The following CHRNA4 variants were observed in gnomAD, a reference collection of about 807,000 sequenced individuals.
CHRNA4 encodes neuronal acetylcholine receptor subunit alpha-4.
CHRNA4 carries 28 observed loss-of-function variants against 48.9 expected under a neutral mutation model. The observed-to-expected ratio is 0.57, with a 90% CI of 0.42 to 0.79. The LOEUF is 0.79. Ranked by LOEUF, CHRNA4 falls within the 30% of genes least tolerant of loss-of-function variation. The pLI, the probability that CHRNA4 is intolerant of heterozygous loss-of-function variation, is 0.00. For synonymous variants in CHRNA4, 425 were observed against 402.3 expected (o/e 1.06, Z -0.68); for missense variants, 859 against 898.4 (o/e 0.96, Z 0.56).
chr20:63,356,445 T>C, intron 2 of CHRNA4, 30 bp from the exon 3 acceptor site: 1 of 1,581,200 alleles, frequency 6.3e-7, no homozygotes, highest in Non-Finnish European at 8.6e-7. Flanking sequence ...AGGGGGCCAG[T>C]GACCCCTTGG....
At chr20:63,356,515 G>A (rs942329354) in intron 2 of CHRNA4, 100 bp from the exon 3 acceptor site, 2 of 1,277,282 alleles carry the variant, frequency 1.6e-6, no homozygotes, top group African/African-American at 1.5e-5. Context: ...ACACGGCCAG[G>A]GCAAGATATG....
chr20:63,351,259 T>TCCACGTTCACGC (rs1555838352), intron 4 of CHRNA4: 2 of 483,308 alleles, frequency 4.1e-6, no homozygotes, highest in Non-Finnish European at 7.6e-6. Flanking sequence ...CACGTCCACG[T>TCCACGTTCACGC]CCACACACAG....
At chr20:63,356,589 G>A (rs1353846883) in intron 2 of CHRNA4, 174 bp from the exon 3 acceptor site, 2 of 670,358 alleles carry the variant, frequency 3.0e-6, no homozygotes, top group East Asian at 5.4e-5. Context: ...GCCCAGGATG[G>A]GGACTCTGAG....
intron 4 of CHRNA4, among the ~76,000 whole-genome samples, chr20:63,352,037 TG>T (rs2068623513): frequency 2.6e-5 from 4 of 152,074 alleles, no homozygotes; most frequent in Admixed American, 2.6e-4. Context: ...TTGGCAGGCA[TG>T]GGGCCAGGCT....
At position 63,345,456 on chromosome 20, in the gene CHRNA4, G is replaced by C. The variant is rs774744673; in HGVS notation, c.*1282C>G. ...GGGGAAGTGTGCCCCTGGGGACACT[G>C]GGGGGCTGCCGGGTGCGCCATCTTT... On this transcript the variant is annotated 3_prime_UTR_variant, in exon 6 of 6. Coordinates refer to ENST00000370263, the MANE Select transcript of CHRNA4 (RefSeq NM_000744.7). This position sits in a 1 kb window ranked among gnomAD's most constrained non-coding sequence, Gnocchi z 5.4. 2 of 384,584 alleles carry C rather than the reference G, an allele frequency of 5.2e-6. No individual in the cohort carries two copies. Among genetic ancestry groups the C allele is most frequent in the South Asian group, 3.7e-5 (2 of 53,586 alleles). 23.8% of individuals were successfully genotyped at this position (384,584 alleles called of 1,614,324 possible). A position where few individuals can be genotyped will look rare whatever the true frequency, so the allele number is the denominator to read the frequency against.
Position 63,349,985 on chromosome 20 carries a change from C to T in CHRNA4, c.1426G>A (p.Glu476Lys), listed in dbSNP as rs201420419. The change falls in exon 5 of 6, where the codon GAA becomes AAA. Residue 476 changes from glutamate (E) to lysine (K), a missense_variant. Glu to Lys is a moderately conservative substitution (Grantham distance 56). Coordinates refer to ENST00000370263, the MANE Select transcript of CHRNA4 (RefSeq NM_000744.7). ...CACCGGACGCCGCCTTCCACCGCTT[C>T]GCCAGGGCTGGACATGTGCTGGACG... ...LSVQHMSSPG[E>K]AVEGGVRCRS... The T allele has an allele frequency of 7.1e-6, 11 of 1,552,012 alleles. No individual in the cohort carries two copies. The highest frequency in any genetic ancestry group is 1.2e-5 in the South Asian group (1 of 83,522).
intron 1 of CHRNA4, 169 bp from the exon 2 acceptor site, chr20:63,359,868 T>TGTGTGTGCGCGCCGGGCGTGCG (rs1568819956): frequency 2.8e-5 from 2 of 70,998 alleles, no homozygotes; most frequent in Non-Finnish European, 4.9e-5. Context: ...GGGCGTGCGC[T>TGTGTGTGCGCGCCGGGCGTGCG]CTGTGTGTGT....
intron 4 of CHRNA4, among the ~76,000 whole-genome samples, chr20:63,355,147 C>G (rs1002146945): frequency 2.6e-5 from 4 of 152,196 alleles, no homozygotes; most frequent in African/African-American, 9.7e-5. Flanking sequence ...GACCCTGAGC[C>G]TGTGGCCAGA....
intron 4 of CHRNA4, among the ~76,000 whole-genome samples, chr20:63,352,097 C>G (rs1463853740): frequency 6.6e-6 from 1 of 152,212 alleles, no homozygotes; most frequent in Non-Finnish European, 1.5e-5. Context: ...GGAGCGGCTG[C>G]CCAGCCACAC....
At chr20:63,359,486 AC>A in intron 2 of CHRNA4, 61 bp downstream of exon 2, 1 of 1,604,334 alleles carries the variant, frequency 6.2e-7, no homozygotes. Context: ...GCCCACCCAG[AC>A]CCCTGTGCTC....
rs1427256300 is a variant in CHRNA4, at chr20:63,346,050, T to C, written c.*688A>G. On this transcript the variant is annotated 3_prime_UTR_variant, in exon 6 of 6. Transcript: ENST00000370263. The stretch of plus-strand genomic sequence containing the variant: ...TGCGCAGGGGAGAGCTGGTCCCGCG[T>C]GGGCCTCCCGATTCTCCCCACGCGG... 1 of 453,966 alleles carries C rather than the reference T, an allele frequency of 2.2e-6. No homozygotes were observed. The highest frequency in any genetic ancestry group is 2.3e-5 in the Admixed American group (1 of 42,568). The allele number at this position is 453,966 out of a possible 1,614,324, so 28.1% of individuals were successfully genotyped here.
rs1363585173 is a variant in CHRNA4, at chr20:63,344,172, GA to G, written c.*2565del. The G allele has an allele frequency of 2.2e-6, 1 of 454,112 alleles. No individual in the cohort carries two copies. Among genetic ancestry groups the G allele is most frequent in the Admixed American group, 2.3e-5 (1 of 42,580 alleles). The allele number at this position is 454,112 out of a possible 1,614,324, so 28.1% of individuals were successfully genotyped here. A position where few individuals can be genotyped will look rare whatever the true frequency, so the allele number is the denominator to read the frequency against. On this transcript the variant is annotated 3_prime_UTR_variant, in exon 6 of 6. Transcript: ENST00000370263. This position sits in a 1 kb window ranked among gnomAD's most constrained non-coding sequence, Gnocchi z 4.5. Reference sequence around the variant, plus strand: ...AGCTACGGACACACACAACAGCACGGATGAAGCTCTAAGTCATAGGATGAAG... The same window carrying G: ...AGCTACGGACACACACAACAGCACGGTGAAGCTCTAAGTCATAGGATGAAG...
intron 4 of CHRNA4, among the ~76,000 whole-genome samples, chr20:63,351,627 A>G (rs978510193): frequency 2.6e-5 from 4 of 152,214 alleles, no homozygotes; most frequent in Non-Finnish European, 5.9e-5. Flanking sequence ...GTGTGTGAGC[A>G]TGAGGACACC....
chr20:63,346,486 G>A lies in CHRNA4; in HGVS notation c.*252C>T, dbSNP rs113458361. The A allele has an allele frequency of 1.9e-3, 1,287 of 664,088 alleles. 6 individuals carry two copies. Among genetic ancestry groups the A allele is most frequent in the Middle Eastern group, 5.1e-3 (13 of 2,566 alleles). 41.1% of individuals were successfully genotyped at this position (664,088 alleles called of 1,614,324 possible). ...CCGAGTCCTGCAGGTAGAAGGCGCCGACCCCCACCTCTGCTCCAAGCCACT... is the reference window on the plus strand; with the variant it reads ...CCGAGTCCTGCAGGTAGAAGGCGCCAACCCCCACCTCTGCTCCAAGCCACT... On this transcript the variant is annotated 3_prime_UTR_variant, in exon 6 of 6. Transcript: ENST00000370263.
At chr20:63,353,701 TGGGGGGGCTGCGGTCCTG>T (rs1568814674) in intron 4 of CHRNA4, among the ~76,000 whole-genome samples, 1 of 28,860 alleles carries the variant, frequency 3.5e-5, no homozygotes, top group Non-Finnish European at 6.0e-5. Context: ...GCTGTGGTCC[TGGGGGGGCTGCGGTCCTG>T]GGGGGGCTGT....
intron 4 of CHRNA4, among the ~76,000 whole-genome samples, chr20:63,352,380 C>CA (rs1407268910): frequency 1.3e-5 from 2 of 152,228 alleles, no homozygotes; most frequent in African/African-American, 4.8e-5. Flanking sequence ...CCCACGGTCT[C>CA]AGTCGGTGCT....
Position 63,347,312 on chromosome 20 carries a change from G to T in CHRNA4, c.1759-449C>A, listed in dbSNP as rs11908087. On this transcript the variant is annotated intron_variant, in intron 5 of 5. Transcript: ENST00000370263. ...TTTTGCAGATGGGCAAATGTGGCCC[G>T]GTGGGCGCACAGAGGGCGGACGAAA... Among the ~76,000 whole-genome samples the T allele has an allele frequency of 2.2e-3, 339 of 152,358 alleles. 1 individual carries two copies. The highest frequency in any genetic ancestry group is 7.9e-3 in the African/African-American group (327 of 41,578).
At chr20:63,359,885 G>GCGCA in intron 1 of CHRNA4, 186 bp from the exon 2 acceptor site, 15 of 572,828 alleles carry the variant, frequency 2.6e-5, no homozygotes, top group South Asian at 2.4e-4. Flanking sequence ...GTGTGTGTGT[G>GCGCA]CCGGGCGTGT....
In CHRNA4 at chr20:63,346,587, C is replaced by G; in HGVS notation, c.*151G>C. ...CAGAGGCCGTGTCCCCGTCCAAGGC[C>G]GTCTTACAGCAGACACAGAACAGGA... On this transcript the variant is annotated 3_prime_UTR_variant, in exon 6 of 6. Transcript: ENST00000370263. 8.9e-7 allele frequency: 1 copy of G among 1,123,540 alleles called. No homozygotes were observed. Among genetic ancestry groups the G allele is most frequent in the South Asian group, 1.3e-5 (1 of 75,150 alleles). The allele number at this position is 1,123,540 out of a possible 1,614,324, so 69.6% of individuals were successfully genotyped here. A position where few individuals can be genotyped will look rare whatever the true frequency, so the allele number is the denominator to read the frequency against.
Sources: allele counts gnomAD v4.1 joint callset (sites outside exome capture counted in the v4.1 genomes callset), GRCh38; gene constraint gnomAD v4.1.1; non-coding constraint Gnocchi (gnomAD v3.1); transcripts MANE v1.5; gene names NCBI Gene and HGNC (gene_info 2026-07-23, HGNC 2026-07-21).